SLC71A2: variants seen among roughly 807,000 people sequenced by gnomAD.
The protein encoded by SLC71A2 is solute carrier family 71 member 2.
chr9:94,377,384 G>GTTT, the SLC71A2 span, among the ~76,000 whole-genome samples: 1 of 143,876 alleles, frequency 7.0e-6, no homozygotes, highest in Non-Finnish European at 1.5e-5. Flanking sequence ...TGTTTTCTGT[G>GTTT]TTTTTTTTTT....
chr9:94,401,915 A>G, the SLC71A2 span, among the ~76,000 whole-genome samples: 3,309 of 152,254 alleles, frequency 0.022, 117 homozygotes, highest in African/African-American at 0.075. Flanking sequence ...TCTTGATTAT[A>G]TGCTAAACAA....
the SLC71A2 span, chr9:94,440,931 G>A: frequency 5.5e-6 from 6 of 1,092,360 alleles, no homozygotes; most frequent in Non-Finnish European, 8.2e-6. Context: ...CTCAGGTAAT[G>A]AAAGTGAACA....
chr9:94,443,046 G>T, the SLC71A2 span, among the ~76,000 whole-genome samples: 2 of 152,166 alleles, frequency 1.3e-5, no homozygotes, highest in Non-Finnish European at 2.9e-5. Context: ...TGCAATATTT[G>T]ATTTTTGTTT....
chr9:94,406,475 A>G, the SLC71A2 span, among the ~76,000 whole-genome samples: 3 of 152,132 alleles, frequency 2.0e-5, no homozygotes, highest in Admixed American at 1.3e-4. Flanking sequence ...CCAACCTCAC[A>G]TGATCTGCCT....
At chr9:94,428,601 T>C in the SLC71A2 span, among the ~76,000 whole-genome samples, 8,823 of 106,242 alleles carry the variant, frequency 0.083, 535 homozygotes, top group East Asian at 0.32. Context: ...CCCCCCCCCC[T>C]TTTTTTTTTT....
chr9:94,425,976 C>T, the SLC71A2 span, among the ~76,000 whole-genome samples: 1 of 151,844 alleles, frequency 6.6e-6, no homozygotes, highest in South Asian at 2.1e-4. Context: ...AGCCAGTTTT[C>T]CACCTGTAGT....
the SLC71A2 span, chr9:94,459,428 G>A: frequency 1.2e-6 from 2 of 1,612,594 alleles, no homozygotes; most frequent in South Asian, 1.1e-5. Flanking sequence ...GCAGAAAGTG[G>A]GATTCTGCAT....
chr9:94,442,896 C>T, the SLC71A2 span, among the ~76,000 whole-genome samples: 1 of 151,646 alleles, frequency 6.6e-6, no homozygotes, highest in African/African-American at 2.4e-5. Flanking sequence ...CTCCCCCCGC[C>T]CTGCCAAAAA....
At chr9:94,454,387 A>C in the SLC71A2 span, among the ~76,000 whole-genome samples, 39 of 151,998 alleles carry the variant, frequency 2.6e-4, no homozygotes, top group African/African-American at 8.5e-4. Flanking sequence ...TCTTTCCCTG[A>C]GACGGAGTCT....
chr9:94,377,521 C>T, the SLC71A2 span, among the ~76,000 whole-genome samples: 1 of 141,794 alleles, frequency 7.1e-6, no homozygotes, highest in Non-Finnish European at 1.5e-5. Flanking sequence ...AGATATGTGC[C>T]ACCATGCCTG....
chr9:94,438,469 T>C, the SLC71A2 span: 2 of 1,613,938 alleles, frequency 1.2e-6, no homozygotes, highest in Non-Finnish European at 1.7e-6. Flanking sequence ...GGAAGCCCTT[T>C]CTCCTCGGCA....
At chr9:94,404,116 C>G in the SLC71A2 span, among the ~76,000 whole-genome samples, 4 of 152,114 alleles carry the variant, frequency 2.6e-5, no homozygotes, top group Non-Finnish European at 4.4e-5. Flanking sequence ...ACTTCCCTGC[C>G]TCCAAAACTG....
chr9:94,419,803 T>G, the SLC71A2 span, among the ~76,000 whole-genome samples: 1 of 152,216 alleles, frequency 6.6e-6, no homozygotes, highest in Non-Finnish European at 1.5e-5. Flanking sequence ...GTAACTTGCT[T>G]GGACTAAATC....
chr9:94,446,252 C>A, the SLC71A2 span, among the ~76,000 whole-genome samples: 1 of 152,106 alleles, frequency 6.6e-6, no homozygotes, highest in East Asian at 1.9e-4. Flanking sequence ...ATTAACTTAC[C>A]ATTTTGTTCT....
At chr9:94,390,883 A>AT in the SLC71A2 span, among the ~76,000 whole-genome samples, 3 of 152,064 alleles carry the variant, frequency 2.0e-5, no homozygotes, top group African/African-American at 7.2e-5. Context: ...CTGTGTAACT[A>AT]TGCATAGCTT....
chr9:94,405,364 G>A, the SLC71A2 span, among the ~76,000 whole-genome samples: 9 of 151,876 alleles, frequency 5.9e-5, no homozygotes, highest in Non-Finnish European at 1.0e-4. Context: ...GCATGGTGGC[G>A]GGCGCCTGTA....
chr9:94,377,559 AT>A, the SLC71A2 span, among the ~76,000 whole-genome samples: 15 of 96,246 alleles, frequency 1.6e-4, no homozygotes, highest in African/African-American at 5.9e-4. Flanking sequence ...TTTTTAATTT[AT>A]TTTTTGTAGA....
chr9:94,389,450 A>T, the SLC71A2 span, among the ~76,000 whole-genome samples: 27,242 of 150,610 alleles, frequency 0.18, 2,583 homozygotes, highest in African/African-American at 0.23. Context: ...ATATATATAT[A>T]TTTTTTTCAG....
At chr9:94,385,393 A>T in the SLC71A2 span, among the ~76,000 whole-genome samples, 2 of 152,134 alleles carry the variant, frequency 1.3e-5, no homozygotes. Flanking sequence ...GTTCATTTTA[A>T]AAGTTTGTGG....
Sources: allele counts gnomAD v4.1 joint callset (sites outside exome capture counted in the v4.1 genomes callset), GRCh38; gene constraint gnomAD v4.1.1; transcripts MANE v1.5; gene names NCBI Gene and HGNC (gene_info 2026-07-23, HGNC 2026-07-21).